TACR1: variants seen among roughly 807,000 people sequenced by gnomAD.
TACR1 encodes tachykinin receptor 1, also known as substance-P receptor.
TACR1 carries 25 observed loss-of-function variants against 35.8 expected under a neutral mutation model. The observed-to-expected ratio is 0.70, with a 90% confidence interval of 0.51 to 0.98. The LOEUF (loss-of-function observed/expected upper bound fraction) is 0.98, where lower values mean the gene tolerates loss of function less well. TACR1 is among the 50% of genes least tolerant of loss of function. The pLI, the probability that TACR1 is intolerant of heterozygous loss-of-function variation, is 0.00. For synonymous variants in TACR1, 195 were observed against 206.7 expected (o/e 0.94, Z 0.48); for missense variants, 478 against 522.9 (o/e 0.91, Z 0.84).
At chr2:75,139,833 G>A (rs529522297) in intron 1 of TACR1, among the ~76,000 whole-genome samples, 53 of 152,280 alleles carry the variant, frequency 3.5e-4, no homozygotes, top group African/African-American at 1.2e-3. Context: ...GGGGAAAACA[G>A]TGAGGGGAGG....
chr2:75,152,949 C>T (rs1041602409), intron 1 of TACR1, among the ~76,000 whole-genome samples: 1 of 152,220 alleles, frequency 6.6e-6, no homozygotes, highest in Non-Finnish European at 1.5e-5. Flanking sequence ...TGTCACCAGG[C>T]TGGAGTGCAG....
At chr2:75,076,420 T>G (rs1348520311) in intron 2 of TACR1, among the ~76,000 whole-genome samples, 1 of 152,102 alleles carries the variant, frequency 6.6e-6, no homozygotes, top group African/African-American at 2.4e-5. Flanking sequence ...GCCAACAGAG[T>G]GAAAACTCAT....
rs1672487828 is a variant in TACR1, at chr2:75,052,468, A to G, written c.736-1021T>C. Among the ~76,000 whole-genome samples the G allele has an allele frequency of 1.3e-5, 2 of 152,140 alleles. 1 individual carries two copies. Among genetic ancestry groups the G allele is most frequent in the South Asian group, 4.1e-4 (2 of 4,826 alleles). On this transcript the variant is annotated intron_variant, in intron 3 of 4. Transcript: ENST00000305249. ...ACACCATGCGATGTAACCCCTTCCC[A>G]AGGCATCTTTAGCAAAGAACTCTAC...
At chr2:75,086,533 C>A (rs569517127) in intron 2 of TACR1, among the ~76,000 whole-genome samples, 6 of 152,118 alleles carry the variant, frequency 3.9e-5, no homozygotes, top group African/African-American at 1.2e-4. Context: ...GTTGGGGAGT[C>A]TCATACACCC....
intron 2 of TACR1, among the ~76,000 whole-genome samples, chr2:75,076,208 A>G (rs980097529): frequency 2.0e-5 from 3 of 152,234 alleles, no homozygotes; most frequent in African/African-American, 4.8e-5. Context: ...CCATACTCCC[A>G]TGCCAGTCAG....
chr2:75,116,071 T>C (rs957711270), intron 2 of TACR1, among the ~76,000 whole-genome samples: 4 of 152,168 alleles, frequency 2.6e-5, no homozygotes, highest in Non-Finnish European at 4.4e-5. Context: ...CTTGTACTTA[T>C]ATAAGGCACT....
intron 1 of TACR1, among the ~76,000 whole-genome samples, chr2:75,184,519 A>G (rs1343540612): frequency 6.6e-6 from 1 of 151,938 alleles, no homozygotes; most frequent in East Asian, 1.9e-4. Flanking sequence ...TATCTGAGGA[A>G]AACCTGAGAA....
intron 1 of TACR1, among the ~76,000 whole-genome samples, chr2:75,123,136 A>G (rs1398743235): frequency 2.2e-5 from 1 of 46,206 alleles, no homozygotes; most frequent in East Asian, 2.4e-4. Flanking sequence ...AAACCATAGG[A>G]TTGCTTGTTG....
At chr2:75,064,801 G>A (rs571616203) in intron 2 of TACR1, among the ~76,000 whole-genome samples, 1 of 152,330 alleles carries the variant, frequency 6.6e-6, no homozygotes, top group African/African-American at 2.4e-5. Context: ...CCATGGTAGT[G>A]GGGCTTTGAG....
chr2:75,156,434 CAAAAAAAA>C (rs60552665), intron 1 of TACR1: 2 of 112,158 alleles, frequency 1.8e-5, no homozygotes, highest in Admixed American at 1.8e-4. Context: ...ACCAAAAATA[CAAAAAAAA>C]AAAAAAAAAA....
In TACR1 at chr2:75,116,429, G is replaced by A. The variant is rs139993589; in HGVS notation, c.584+4145C>T. ...ACAATTTTTTTTGTTTGTTTTATCC[G>A]TTCTACTGATGATGGATATTTGAAA... is the stretch of plus-strand genomic sequence containing the variant. On this transcript the variant is annotated intron_variant, in intron 2 of 4. Transcript: ENST00000305249. Among the ~76,000 whole-genome samples, 192 of 152,158 alleles carry A rather than the reference G, an allele frequency of 1.3e-3. No individual in the cohort carries two copies. In the Middle Eastern group the frequency reaches 0.024, roughly 19 times the overall value.
intron 2 of TACR1, among the ~76,000 whole-genome samples, chr2:75,059,809 C>T (rs115603051): frequency 1.3e-3 from 199 of 152,318 alleles, no homozygotes; most frequent in African/African-American, 4.6e-3. Context: ...GCTGAGCAGC[C>T]TCGTTCCTCC....
chr2:75,169,698 A>C (rs536009178), intron 1 of TACR1, among the ~76,000 whole-genome samples: 6 of 152,178 alleles, frequency 3.9e-5, no homozygotes, highest in Non-Finnish European at 8.8e-5. Flanking sequence ...AGCCCATTTT[A>C]TATTGATTCT....
chr2:75,168,121 G>T (rs928434770), intron 1 of TACR1, among the ~76,000 whole-genome samples: 1 of 152,176 alleles, frequency 6.6e-6, no homozygotes, highest in Non-Finnish European at 1.5e-5. Context: ...AGTTTTCACA[G>T]ACTATGTAGA....
At chr2:75,167,980 C>G (rs967512270) in intron 1 of TACR1, among the ~76,000 whole-genome samples, 2 of 152,218 alleles carry the variant, frequency 1.3e-5, no homozygotes, top group Middle Eastern at 3.4e-3. Flanking sequence ...CATTTTCATA[C>G]ACCACTGGAG....
At chr2:75,075,804 T>C (rs188614975) in intron 2 of TACR1, among the ~76,000 whole-genome samples, 236 of 152,314 alleles carry the variant, frequency 1.5e-3, no homozygotes, top group African/African-American at 5.4e-3. Flanking sequence ...AAGAAGATAT[T>C]TTAAGCTAGA....
chr2:75,084,912 T>A (rs1406012138), intron 2 of TACR1, among the ~76,000 whole-genome samples: 2 of 152,356 alleles, frequency 1.3e-5, no homozygotes, highest in African/African-American at 2.4e-5. Context: ...AAGATTTTTT[T>A]ATGTCTCTAT....
chr2:75,054,591 T>C (rs943368822), intron 2 of TACR1, among the ~76,000 whole-genome samples: 2 of 152,212 alleles, frequency 1.3e-5, no homozygotes, highest in Non-Finnish European at 2.9e-5. Context: ...AATTTATCCT[T>C]TTCTGTTAAA....
intron 1 of TACR1, among the ~76,000 whole-genome samples, chr2:75,179,588 C>A (rs1675511763): frequency 6.6e-6 from 1 of 152,292 alleles, no homozygotes; most frequent in Admixed American, 6.5e-5. Context: ...ATAGGCTTGC[C>A]CACATTTTCC....
Sources: gnomAD v4.1 joint callset for allele counts (sites outside exome capture counted in the v4.1 genomes callset) on GRCh38, gnomAD v4.1.1 for gene constraint, MANE v1.5 for transcripts, NCBI Gene and HGNC (gene_info 2026-07-23, HGNC 2026-07-21) for gene names.